QTMAN: variants seen among roughly 807,000 people sequenced by gnomAD.
QTMAN encodes the protein tRNA-queuosine alpha-mannosyltransferase.
the QTMAN span, among the ~76,000 whole-genome samples, chr2:144,113,264 G>A: frequency 6.6e-6 from 1 of 151,978 alleles, no homozygotes; most frequent in Non-Finnish European, 1.5e-5. Flanking sequence ...AATAAGAAAG[G>A]ATAAGTAAAG....
chr2:144,171,679 C>T, the QTMAN span, among the ~76,000 whole-genome samples: 3 of 151,934 alleles, frequency 2.0e-5, no homozygotes, highest in African/African-American at 7.3e-5. Context: ...AAATTATACA[C>T]CAAAAGAGTA....
chr2:144,002,942 A>C, the QTMAN span, among the ~76,000 whole-genome samples: 4 of 151,958 alleles, frequency 2.6e-5, no homozygotes, highest in African/African-American at 9.7e-5. Context: ...TTAAACACTT[A>C]AGCAGTTATA....
At chr2:144,090,820 T>C in the QTMAN span, among the ~76,000 whole-genome samples, 3 of 151,964 alleles carry the variant, frequency 2.0e-5, no homozygotes, top group African/African-American at 7.2e-5. Flanking sequence ...TCAGAGGGCT[T>C]TTTTTTCCCC....
the QTMAN span, among the ~76,000 whole-genome samples, chr2:144,140,772 G>A: frequency 1.3e-4 from 20 of 151,944 alleles, no homozygotes; most frequent in Non-Finnish European, 2.4e-4. Flanking sequence ...CTGTGACAAC[G>A]ACAAGGTGAA....
the QTMAN span, among the ~76,000 whole-genome samples, chr2:144,065,959 AG>A: frequency 1.3e-5 from 2 of 152,172 alleles, no homozygotes; most frequent in Non-Finnish European, 2.9e-5. Flanking sequence ...CCATGAGAGC[AG>A]GGTGTTGAGA....
the QTMAN span, chr2:144,320,015 C>T: frequency 2.0e-5 from 3 of 152,234 alleles, no homozygotes; most frequent in African/African-American, 7.2e-5. Context: ...ATCCGGCATG[C>T]AACCTGTTCT....
the QTMAN span, among the ~76,000 whole-genome samples, chr2:144,226,650 T>C: frequency 6.6e-6 from 1 of 152,272 alleles, no homozygotes; most frequent in South Asian, 2.1e-4. Context: ...TGAATTAAGT[T>C]CTATCCATGC....
chr2:144,236,782 A>G, the QTMAN span, among the ~76,000 whole-genome samples: 2 of 152,138 alleles, frequency 1.3e-5, no homozygotes, highest in African/African-American at 4.8e-5. Context: ...AGAATAGGCT[A>G]CATCAGAAAG....
At chr2:144,309,137 G>A in the QTMAN span, among the ~76,000 whole-genome samples, 2 of 152,194 alleles carry the variant, frequency 1.3e-5, no homozygotes, top group Non-Finnish European at 2.9e-5. Flanking sequence ...AGAATGTGGA[G>A]CAACTAGAAT....
At chr2:144,108,615 G>C in the QTMAN span, among the ~76,000 whole-genome samples, 52 of 136,368 alleles carry the variant, frequency 3.8e-4, no homozygotes, top group African/African-American at 1.9e-3. Context: ...TCCAGCCTGG[G>C]CGACAGAGCA....
the QTMAN span, among the ~76,000 whole-genome samples, chr2:144,232,525 T>A: frequency 6.6e-6 from 1 of 152,160 alleles, no homozygotes; most frequent in East Asian, 1.9e-4. Flanking sequence ...GTTACAAAAA[T>A]ACATGAGTTT....
the QTMAN span, among the ~76,000 whole-genome samples, chr2:144,002,744 G>A: frequency 2.6e-5 from 4 of 152,042 alleles, no homozygotes; most frequent in Admixed American, 6.6e-5. Context: ...AATCATTTAT[G>A]TGGTTTCATA....
the QTMAN span, among the ~76,000 whole-genome samples, chr2:144,128,607 T>C: frequency 6.6e-6 from 1 of 152,000 alleles, no homozygotes; most frequent in Non-Finnish European, 1.5e-5. Flanking sequence ...TGAAGTTTTT[T>C]CTCTTTGCTT....
chr2:144,064,803 C>T, the QTMAN span, among the ~76,000 whole-genome samples: 56 of 152,268 alleles, frequency 3.7e-4, no homozygotes, highest in African/African-American at 1.3e-3. Context: ...TACCATGTTA[C>T]TATGTTACCC....
the QTMAN span, among the ~76,000 whole-genome samples, chr2:143,994,645 C>T: frequency 2.0e-5 from 3 of 152,136 alleles, no homozygotes; most frequent in Non-Finnish European, 4.4e-5. Flanking sequence ...ACGTAAAAGA[C>T]CACATATTGT....
chr2:143,992,900 C>CAAG, the QTMAN span, among the ~76,000 whole-genome samples: 1 of 151,922 alleles, frequency 6.6e-6, no homozygotes, highest in Non-Finnish European at 1.5e-5. Context: ...AATTATTTAT[C>CAAG]AAGAATAGTA....
At chr2:144,198,252 A>G in the QTMAN span, among the ~76,000 whole-genome samples, 1 of 151,984 alleles carries the variant, frequency 6.6e-6, no homozygotes, top group African/African-American at 2.4e-5. Flanking sequence ...ATGTAATGTA[A>G]TTTTCCTTTT....
At chr2:144,085,115 T>C in the QTMAN span, among the ~76,000 whole-genome samples, 5 of 152,248 alleles carry the variant, frequency 3.3e-5, no homozygotes, top group Admixed American at 6.5e-5. Context: ...AACTAGATTA[T>C]AAATATTTTA....
chr2:144,240,180 T>C, the QTMAN span, among the ~76,000 whole-genome samples: 17 of 152,332 alleles, frequency 1.1e-4, no homozygotes, highest in East Asian at 3.3e-3. Flanking sequence ...GAAGTTTTAA[T>C]AAGACTCAGC....
Sources: gnomAD v4.1 joint callset for allele counts (sites outside exome capture counted in the v4.1 genomes callset) on GRCh38, gnomAD v4.1.1 for gene constraint, MANE v1.5 for transcripts, NCBI Gene and HGNC (gene_info 2026-07-23, HGNC 2026-07-21) for gene names.